Variants in TIAM1 observed in about 807,000 individuals in gnomAD.
The protein encoded by TIAM1 is TIAM Rac1 associated GEF 1.
TIAM1 carries 65 observed loss-of-function variants against 163.5 expected under a neutral mutation model. The observed-to-expected ratio is 0.40, with a 90% CI of 0.33 to 0.49. The LOEUF (loss-of-function observed/expected upper bound fraction) is 0.49, where lower values mean the gene tolerates loss of function less well. TIAM1 is among the 20% of genes least tolerant of loss of function. The probability of loss-of-function intolerance (pLI) is 0.77; values close to 1 mark genes in which losing one functional copy is unlikely to be tolerated. For synonymous variants in TIAM1, 833 were observed against 810.1 expected (o/e 1.03, Z -0.48); for missense variants, 1,789 against 2,044.7 (o/e 0.87, Z 2.41).
intron 1 of TIAM1, among the ~76,000 whole-genome samples, chr21:31,496,404 A>C (rs2046642685): frequency 2.6e-5 from 1 of 39,188 alleles, no homozygotes; most frequent in Non-Finnish European, 4.9e-5. Context: ...CAGGAGACGA[A>C]GTTTGCAGTG....
At chr21:31,453,338 G>C (rs1200927906) in intron 2 of TIAM1, 1 of 164,410 alleles carries the variant, frequency 6.1e-6, no homozygotes, top group Non-Finnish European at 1.3e-5. Flanking sequence ...TGTGTGGCAG[G>C]AACTGTGGGT....
chr21:31,397,537 G>C (rs1297885201), intron 2 of TIAM1, among the ~76,000 whole-genome samples: 1 of 152,058 alleles, frequency 6.6e-6, no homozygotes, highest in African/African-American at 2.4e-5. Context: ...AAATCACATT[G>C]ACCAAATCAG....
Position 31,252,294 on chromosome 21 carries a change from G to T in TIAM1, c.964-105C>A, listed in dbSNP as rs565676285. 3.2e-5 allele frequency: 41 copies of T among 1,262,464 alleles called. No individual in the cohort carries two copies. In the East Asian group the frequency reaches 5.6e-4, roughly 17 times the overall value. 78.2% of individuals were successfully genotyped at this position (1,262,464 alleles called of 1,614,324 possible). A position where few individuals can be genotyped will look rare whatever the true frequency, so the allele number is the denominator to read the frequency against. On this transcript the variant is annotated intron_variant, in intron 4 of 27. Transcript: ENST00000541036. ...GGTCCAGCCAGGGCTCTGTAGCAGC[G>T]GGATACGCATAAGGCACAGCCACTC...
intron 1 of TIAM1, among the ~76,000 whole-genome samples, chr21:31,553,513 A>G (rs2048763636): frequency 6.6e-6 from 1 of 152,210 alleles, no homozygotes; most frequent in African/African-American, 2.4e-5. Flanking sequence ...CACTGCCCAA[A>G]GAGTGAGTGG....
chr21:31,321,906 A>G (rs1220429911), intron 2 of TIAM1, among the ~76,000 whole-genome samples: 2 of 152,002 alleles, frequency 1.3e-5, no homozygotes, highest in African/African-American at 4.8e-5. Context: ...TACAAAAATT[A>G]GCCAGGTACG....
intron 1 of TIAM1, among the ~76,000 whole-genome samples, chr21:31,500,662 C>CAG (rs761158545): frequency 2.6e-5 from 4 of 152,102 alleles, no homozygotes; most frequent in Non-Finnish European, 5.9e-5. Context: ...CAAGGAGAGA[C>CAG]AGAGACACAC....
chr21:31,455,678 C>T (rs1222369490), intron 2 of TIAM1, among the ~76,000 whole-genome samples: 1 of 152,118 alleles, frequency 6.6e-6, no homozygotes, highest in Non-Finnish European at 1.5e-5. Context: ...AAATCTGGAC[C>T]ACCAGATGGG....
At chr21:31,182,699 C>CA in intron 14 of TIAM1, 54 bp from the exon 15 acceptor site, 4 of 1,550,972 alleles carry the variant, frequency 2.6e-6, no homozygotes, top group Non-Finnish European at 3.5e-6. Flanking sequence ...CAGAACACAA[C>CA]AGCTTAGGAG....
chr21:31,431,287 A>C (rs1602262449), intron 2 of TIAM1, among the ~76,000 whole-genome samples: 1 of 151,956 alleles, frequency 6.6e-6, no homozygotes, highest in South Asian at 2.1e-4. Context: ...GACTGTACTG[A>C]ATGTGTCCAT....
intron 2 of TIAM1, among the ~76,000 whole-genome samples, chr21:31,454,524 G>A (rs1378742146): frequency 1.3e-5 from 2 of 152,168 alleles, no homozygotes; most frequent in Non-Finnish European, 2.9e-5. Context: ...TGATGTCACT[G>A]AGTGGGGTGT....
intron 2 of TIAM1, among the ~76,000 whole-genome samples, chr21:31,354,523 G>A (rs757484607): frequency 2.1e-4 from 32 of 152,056 alleles, no homozygotes; most frequent in African/African-American, 6.5e-4. Context: ...GATAATTAAC[G>A]GCTGGTGGAT....
chr21:31,553,493 C>T (rs2048763279), intron 1 of TIAM1, among the ~76,000 whole-genome samples: 2 of 152,264 alleles, frequency 1.3e-5, no homozygotes, highest in East Asian at 3.9e-4. Context: ...TGGTTCTGAG[C>T]CTCTGAAAAC....
intron 2 of TIAM1, among the ~76,000 whole-genome samples, chr21:31,383,533 T>C (rs1230567597): frequency 6.6e-6 from 1 of 152,184 alleles, no homozygotes; most frequent in Non-Finnish European, 1.5e-5. Flanking sequence ...AGGCTCAAAA[T>C]GGGCTTTCAG....
chr21:31,349,429 A>G (rs1161914751), intron 2 of TIAM1, among the ~76,000 whole-genome samples: 1 of 152,198 alleles, frequency 6.6e-6, no homozygotes, highest in Non-Finnish European at 1.5e-5. Context: ...ACCCACACAC[A>G]CAGTAAGGCT....
At chr21:31,461,485 A>G (rs2045325253) in intron 2 of TIAM1, among the ~76,000 whole-genome samples, 1 of 152,144 alleles carries the variant, frequency 6.6e-6, no homozygotes, top group Non-Finnish European at 1.5e-5. Flanking sequence ...CCCTCTCTCA[A>G]AAAAATAAAA....
intron 2 of TIAM1, among the ~76,000 whole-genome samples, chr21:31,366,720 G>A (rs12482249): frequency 0.011 from 1,681 of 152,240 alleles, 15 homozygotes; most frequent in South Asian, 0.019. Flanking sequence ...AGGTTCAAGC[G>A]ATTCTCCTGC....
chr21:31,306,348 T>C (rs2074710653), intron 2 of TIAM1, among the ~76,000 whole-genome samples: 1 of 151,848 alleles, frequency 6.6e-6, no homozygotes, highest in Non-Finnish European at 1.5e-5. Context: ...AATAGGAAAC[T>C]ACAAGTCCAT....
chr21:31,223,714 C>T, intron 7 of TIAM1, 123 bp from the exon 8 acceptor site: 2 of 983,740 alleles, frequency 2.0e-6, no homozygotes, highest in Non-Finnish European at 2.8e-6. Context: ...GAATAAACAA[C>T]AGGTACCTAA....
Position 31,442,084 on chromosome 21 carries a change from T to TATATATATAG in TIAM1, c.-369+21898_-369+21899insCTATATATAT, listed in dbSNP as rs1389424801. ...ACAAATAAATAAATATATATATATA[T>TATATATATAG]ATAGAACAATAAGGGTATTGTAACA... On this transcript the variant is annotated intron_variant, in intron 2 of 28. Transcript: ENST00000286827. 1.5e-4 allele frequency among the ~76,000 whole-genome samples: 18 copies of TATATATATAG among 122,692 alleles called. 2 individuals are homozygous for TATATATATAG. Among genetic ancestry groups the TATATATATAG allele is most frequent in the African/African-American group, 5.6e-4 (18 of 32,084 alleles). 80.5% of individuals were successfully genotyped at this position (122,692 alleles called of 152,430 possible).
Sources: allele counts gnomAD v4.1 joint callset (sites outside exome capture counted in the v4.1 genomes callset), GRCh38; gene constraint gnomAD v4.1.1; transcripts MANE v1.5; gene names NCBI Gene and HGNC (gene_info 2026-07-23, HGNC 2026-07-21).